Variants in PRTG observed in about 807,000 individuals in gnomAD.
The protein encoded by PRTG is protogenin, also known as immunoglobulin superfamily, DCC subclass, member 5.
Under a neutral mutation model 122.5 loss-of-function variants are expected in PRTG, and 67 were observed. The observed-to-expected ratio is 0.55, with a 90% confidence interval of 0.45 to 0.67. The LOEUF is 0.67. Ranked by LOEUF, PRTG falls within the 30% of genes least tolerant of loss-of-function variation. The probability of loss-of-function intolerance (pLI) is 0.00; values close to 1 mark genes in which losing one functional copy is unlikely to be tolerated. For missense variants in PRTG, 1,435 were observed against 1,415.4 expected (o/e 1.01, Z -0.22); for synonymous variants, 554 against 501.1 (o/e 1.11, Z -1.41).
chr15:55,640,493 T>C (rs1189033244), intron 12 of PRTG, among the ~76,000 whole-genome samples: 2 of 152,000 alleles, frequency 1.3e-5, no homozygotes, highest in East Asian at 1.9e-4. Context: ...AGAAAACCAG[T>C]GGGGGACTTA....
rs373019887 is a variant in PRTG at position 55,683,220 on chromosome 15, C to T, written c.542+567G>A. Among the ~76,000 whole-genome samples the T allele has an allele frequency of 4.0e-4, 60 of 151,604 alleles. No individual in the cohort carries two copies. In the South Asian group the frequency reaches 8.7e-3, roughly 22 times the overall value. On this transcript the variant is annotated intron_variant, in intron 3 of 19. Coordinates refer to ENST00000389286, the MANE Select transcript of PRTG (RefSeq NM_173814.6). ...TTAAATAAAGCACTTCCATGAATAA[C>T]TTATTCCATCTTAGTGCTTTACCAT...
Position 55,640,688 on chromosome 15 carries a change from CTTAAATATTTACTGAGCACCTATTTGT to C in PRTG, c.2137+398_2137+424del, listed in dbSNP as rs551184962. ...AGGACTTATAATTCAATATATCTTA[CTTAAATATTTACTGAGCACCTATTTGT>C]TTAAGATACTTTAGCCAGGTGCGGT... On this transcript the variant is annotated intron_variant, in intron 12 of 19. Coordinates refer to ENST00000389286, the MANE Select transcript of PRTG (RefSeq NM_173814.6). Among the ~76,000 whole-genome samples, 114 of 152,212 alleles carry C rather than the reference CTTAAATATTTACTGAGCACCTATTTGT, an allele frequency of 7.5e-4. No homozygotes were observed. In the East Asian group the frequency reaches 0.018, roughly 24 times the overall value.
At chr15:55,706,452 T>C (rs540093467) in intron 2 of PRTG, among the ~76,000 whole-genome samples, 3 of 151,888 alleles carry the variant, frequency 2.0e-5, no homozygotes, top group Middle Eastern at 3.4e-3. Context: ...ATTTGGGGTA[T>C]GGGCAGAAAT....
chr15:55,642,751 T>G (rs2059299686), intron 11 of PRTG, among the ~76,000 whole-genome samples: 1 of 152,030 alleles, frequency 6.6e-6, no homozygotes, highest in Non-Finnish European at 1.5e-5. Flanking sequence ...GACGTGAAAT[T>G]AAAGGTTAAA....
At chr15:55,706,483 T>A (rs1200445859) in intron 2 of PRTG, among the ~76,000 whole-genome samples, 1 of 146,810 alleles carries the variant, frequency 6.8e-6, no homozygotes, top group East Asian at 2.0e-4. Context: ...CCGGGCACAG[T>A]GGCTCATGAC....
In PRTG at chr15:55,645,566, G is replaced by A. The variant is rs2059317461; in HGVS notation, c.2042-4358C>T. Among the ~76,000 whole-genome samples the A allele has an allele frequency of 4.6e-5, 7 of 151,624 alleles. 1 individual carries two copies. In the South Asian group the frequency reaches 1.5e-3, roughly 32 times the overall value. ...CAGCTACAGAATTAACAGAACTAAG[G>A]ATATAGGGTAAAAAACAGAGTTTAG... is the stretch of plus-strand genomic sequence containing the variant. On this transcript the variant is annotated intron_variant, in intron 11 of 19. Coordinates refer to ENST00000389286, the MANE Select transcript of PRTG (RefSeq NM_173814.6).
At position 55,638,545 on chromosome 15, in the gene PRTG, T is replaced by C; in HGVS notation, c.2452+4A>G. On this transcript the variant is annotated splice_donor_region_variant and intron_variant, in intron 14 of 19. Transcript: ENST00000389286. Reference sequence around the variant, plus strand: ...TAAAATCTATAGGGAGCTGTTTTCTTTACCTTCTGGAAGAGTAGAATGGTA... The same window carrying C: ...TAAAATCTATAGGGAGCTGTTTTCTCTACCTTCTGGAAGAGTAGAATGGTA... 1.3e-6 allele frequency: 2 copies of C among 1,593,382 alleles called. No homozygotes were observed. The highest frequency in any genetic ancestry group is 1.7e-6 in the Non-Finnish European group (2 of 1,173,608).
intron 2 of PRTG, among the ~76,000 whole-genome samples, chr15:55,733,066 G>A (rs535238945): frequency 3.3e-5 from 5 of 152,094 alleles, no homozygotes; most frequent in South Asian, 2.1e-4. Flanking sequence ...AAAATTAGCC[G>A]GGCATAGTGG....
intron 11 of PRTG, among the ~76,000 whole-genome samples, chr15:55,671,803 T>C (rs558615405): frequency 6.6e-6 from 1 of 152,204 alleles, no homozygotes; most frequent in South Asian, 2.1e-4. Flanking sequence ...GCCTGGCCCA[T>C]GTATTCATTT....
At chr15:55,685,311 C>G (rs1429036538) in intron 2 of PRTG, among the ~76,000 whole-genome samples, 1 of 152,106 alleles carries the variant, frequency 6.6e-6, no homozygotes, top group Non-Finnish European at 1.5e-5. Flanking sequence ...AAGCACAGGA[C>G]AAGGCCAGCA....
At chr15:55,714,405 AT>A (rs1317568637) in intron 2 of PRTG, among the ~76,000 whole-genome samples, 2 of 150,314 alleles carry the variant, frequency 1.3e-5, no homozygotes, top group African/African-American at 4.9e-5. Context: ...TTTTAAAAAC[AT>A]TTTTTGTAGA....
chr15:55,679,077 C>T (rs945162068), intron 7 of PRTG, among the ~76,000 whole-genome samples: 2 of 152,164 alleles, frequency 1.3e-5, no homozygotes, highest in African/African-American at 4.8e-5. Context: ...CTACCACTTT[C>T]ATGACCCATG....
intron 2 of PRTG, among the ~76,000 whole-genome samples, chr15:55,709,398 G>C (rs1481388014): frequency 1.4e-5 from 2 of 147,896 alleles, no homozygotes; most frequent in Non-Finnish European, 3.0e-5. Context: ...TAGAGAGAGA[G>C]AGCGCGTGAG....
At chr15:55,692,083 C>T (rs966083590) in intron 2 of PRTG, among the ~76,000 whole-genome samples, 1 of 151,978 alleles carries the variant, frequency 6.6e-6, no homozygotes, top group African/African-American at 2.4e-5. Context: ...AGTATGTAAA[C>T]TCAGTTATAC....
chr15:55,627,162 C>T, intron 16 of PRTG, 34 bp from the exon 17 acceptor site: 1 of 1,477,416 alleles, frequency 6.8e-7, no homozygotes, highest in South Asian at 1.3e-5. Flanking sequence ...CAGAATCAAT[C>T]AGAAAAATAA....
In PRTG at chr15:55,622,558, T is replaced by A. The variant is rs1332349676; in HGVS notation, c.3093+1784A>T. 4.3e-4 allele frequency among the ~76,000 whole-genome samples: 4 copies of A among 9,408 alleles called. No individual in the cohort carries two copies. In the East Asian group the frequency reaches 0.065, roughly 152 times the overall value. The allele number at this position is 9,408 out of a possible 152,430, so 6.2% of individuals were successfully genotyped here. A position where few individuals can be genotyped will look rare whatever the true frequency, so the allele number is the denominator to read the frequency against. ...ACTACCATGACCGGCTAATTTTTTTTTTTTTTAAATTTTTAGTAGAGACGG... is the reference window on the plus strand; with the variant it reads ...ACTACCATGACCGGCTAATTTTTTTATTTTTTAAATTTTTAGTAGAGACGG... On this transcript the variant is annotated intron_variant, in intron 18 of 19. Coordinates refer to ENST00000389286, the MANE Select transcript of PRTG (RefSeq NM_173814.6).
At chr15:55,705,231 A>G (rs1290387447) in intron 2 of PRTG, among the ~76,000 whole-genome samples, 1 of 152,186 alleles carries the variant, frequency 6.6e-6, no homozygotes, top group African/African-American at 2.4e-5. Flanking sequence ...AGCACCTCAC[A>G]GTACTAATGC....
intron 2 of PRTG, among the ~76,000 whole-genome samples, chr15:55,733,314 C>A (rs2031299799): frequency 6.6e-6 from 1 of 151,860 alleles, no homozygotes; most frequent in South Asian, 2.1e-4. Context: ...AGTTCGAGAC[C>A]AGCCTGACCA....
chr15:55,719,810 G>A (rs1268820354), intron 2 of PRTG, among the ~76,000 whole-genome samples: 2 of 152,110 alleles, frequency 1.3e-5, no homozygotes, highest in African/African-American at 4.8e-5. Context: ...TATAAACCCA[G>A]CACTTTCGGA....
Sources: allele counts gnomAD v4.1 joint callset (sites outside exome capture counted in the v4.1 genomes callset), GRCh38; gene constraint gnomAD v4.1.1; transcripts MANE v1.5; gene names NCBI Gene and HGNC (gene_info 2026-07-23, HGNC 2026-07-21).